Variants in IWS1 observed in about 807,000 individuals in gnomAD.
IWS1 encodes interacts with SUPT6H, CTD assembly factor 1.
Under a neutral mutation model 86.7 loss-of-function variants are expected in IWS1, and 27 were observed. That is an observed-to-expected ratio of 0.31 (90% CI 0.23 to 0.43). The LOEUF (loss-of-function observed/expected upper bound fraction) is 0.43, where lower values mean the gene tolerates loss of function less well. Among genes scored for constraint, IWS1 ranks in the 20% least tolerant of loss-of-function variants. IWS1 has a pLI of 1.00. For synonymous variants in IWS1, 313 were observed against 335.1 expected, an observed-to-expected ratio of 0.93 and a Z score of 0.72; for missense variants, 827 against 1,000.8, an observed-to-expected ratio of 0.83 and a Z score of 2.34.
chr2:127,505,018 G>A lies in IWS1; in HGVS notation c.885C>T (p.Pro295=). ...QASDSENEEL[P]KPRVSDSESE... is the part of the protein sequence containing the mutation. ...TCTCAGAGTCACTGACTCGGGGTTT[G>A]GGTAGCTCCTCATTTTCCGAATCAC... is the stretch of plus-strand genomic sequence containing the variant. The change falls in exon 3 of 14, where the codon CCC becomes CCT. Residue 295 remains proline, a synonymous_variant. Coordinates refer to ENST00000295321, the MANE Select transcript of IWS1 (RefSeq NM_017969.3). This position sits in a 1 kb window ranked among gnomAD's most constrained non-coding sequence, Gnocchi z 5.0. 6.2e-7 allele frequency: 1 copy of A among 1,612,610 alleles called. No individual in the cohort carries two copies. The highest frequency in any genetic ancestry group is 8.5e-7 in the Non-Finnish European group (1 of 1,179,594).
At chr2:127,527,054 G>C (rs1304477992), upstream of IWS1, among the ~76,000 whole-genome samples, 3 of 152,210 alleles carry the variant, frequency 2.0e-5, no homozygotes, top group Non-Finnish European at 4.4e-5. Flanking sequence ...TTCCCCTGAT[G>C]AAACACCGGA....
Position 127,503,454 on chromosome 2 carries a change from A to G in IWS1, c.1342T>C (p.Leu448=), listed in dbSNP as rs1440598956. 1.1e-5 allele frequency: 17 copies of G among 1,613,378 alleles called. No homozygotes were observed. The highest frequency in any genetic ancestry group is 1.4e-5 in the Non-Finnish European group (17 of 1,179,676). ...TTCTCTTCATTTTTCTTATCAGACA[A>G]TTCTTTCCCAGCTTCTTCCTCACTG... ...SDSEEEAGKE[L]SDKKNEEKDL... The change falls in exon 4 of 14, where the codon TTG becomes CTG. Residue 448 remains leucine, a synonymous_variant. Transcript: ENST00000295321.
chr2:127,496,098 A>G lies in IWS1; in HGVS notation c.1616T>C (p.Met539Thr). The part of the protein sequence containing the change: ...FEMMLQRKKS[M>T]SGKRRRNRDG... ...GCGGTTCCGTCTGCGCTTGCCACTC[A>G]TGCTCTTTTTTCGCTGCAACATCAT... is the stretch of plus-strand genomic sequence containing the variant. The change falls in exon 7 of 14, where the codon ATG becomes ACG. Residue 539 changes from methionine to threonine, a missense_variant. Transcript: ENST00000295321. The G allele has an allele frequency of 6.2e-7, 1 of 1,613,976 alleles. No individual in the cohort carries two copies. Among genetic ancestry groups the G allele is most frequent in the South Asian group, 1.1e-5 (1 of 91,072 alleles).
At chr2:127,484,924 G>A (rs778586017) in intron 13 of IWS1, among the ~76,000 whole-genome samples, 1 of 152,136 alleles carries the variant, frequency 6.6e-6, no homozygotes, top group Non-Finnish European at 1.5e-5. Flanking sequence ...GTGAACCCAG[G>A]AGGCGGAACT....
rs748246281 is a variant in IWS1, at chr2:127,526,413, G to C, written c.-205C>G. The C allele has an allele frequency of 1.3e-6, 2 of 1,536,260 alleles. No individual in the cohort carries two copies. Among genetic ancestry groups the C allele is most frequent in the South Asian group, 1.2e-5 (1 of 83,212 alleles). ...AGCCCCGGCGGAAAAGGCCGTACCC[G>C]GCAGGCTGGCGGGCGGGCAGGCATG... is the stretch of plus-strand genomic sequence containing the variant. On this transcript the variant is annotated 5_prime_UTR_variant, in exon 1 of 14. Transcript: ENST00000295321.
chr2:127,504,438 T>C (rs766792661), intron 3 of IWS1, among the ~76,000 whole-genome samples: 85 of 152,182 alleles, frequency 5.6e-4, no homozygotes, highest in Non-Finnish European at 1.1e-3. Context: ...TTTATATTCC[T>C]ATTGACATGT....
intron 2 of IWS1, chr2:127,506,670 T>C (rs2078028): frequency 0.12 from 20,194 of 168,214 alleles, 2,094 homozygotes; most frequent in African/African-American, 0.28. Context: ...GTACTTCTCA[T>C]GATAACAAAA....
chr2:127,516,171 G>A (rs1691761826), intron 2 of IWS1, among the ~76,000 whole-genome samples: 1 of 152,122 alleles, frequency 6.6e-6, no homozygotes, highest in African/African-American at 2.4e-5. Flanking sequence ...AGGCAGCCTA[G>A]GCAACGTGGC....
At chr2:127,527,042 G>A (rs541782442), upstream of IWS1, among the ~76,000 whole-genome samples, 2 of 152,296 alleles carry the variant, frequency 1.3e-5, no homozygotes, top group South Asian at 4.1e-4. Context: ...CTTCCAGAAG[G>A]GTTCCCCTGA....
Position 127,480,965 on chromosome 2 carries a change from T to G in IWS1, c.*79A>C, listed in dbSNP as rs2105012730. 2 of 1,478,136 alleles carry G rather than the reference T, an allele frequency of 1.4e-6. No homozygotes were observed. Among genetic ancestry groups the G allele is most frequent in the East Asian group, 4.6e-5 (2 of 43,152 alleles). 91.6% of individuals were successfully genotyped at this position (1,478,136 alleles called of 1,614,324 possible). A position where few individuals can be genotyped will look rare whatever the true frequency, so the allele number is the denominator to read the frequency against. ...GAACCATTTACAGACACACTAAAAATGTTTTAAAATATCTTCTTTCTCCAA... is the reference window on the plus strand; with the variant it reads ...GAACCATTTACAGACACACTAAAAAGGTTTTAAAATATCTTCTTTCTCCAA... On this transcript the variant is annotated 3_prime_UTR_variant, in exon 14 of 14. Coordinates refer to ENST00000295321, the MANE Select transcript of IWS1 (RefSeq NM_017969.3).
At position 127,505,864 on chromosome 2, in the gene IWS1, T is replaced by C; in HGVS notation, c.151-112A>G. The C allele has an allele frequency of 2.9e-6, 2 of 694,176 alleles. No individual in the cohort carries two copies. Among genetic ancestry groups the C allele is most frequent in the Non-Finnish European group, 4.6e-6 (2 of 435,172 alleles). 43.0% of individuals were successfully genotyped at this position (694,176 alleles called of 1,614,324 possible). A position where few individuals can be genotyped will look rare whatever the true frequency, so the allele number is the denominator to read the frequency against. ...TTTAAAATACAGGATTATGTGCACC[T>C]AAATGGAGAATTCTTGTCCTATACC... On this transcript the variant is annotated intron_variant, in intron 2 of 13. Transcript: ENST00000295321. The surrounding 1 kb of genome is among the most constrained non-coding windows in gnomAD (Gnocchi z 5.0).
chr2:127,518,159 A>G (rs1434789065), intron 2 of IWS1, among the ~76,000 whole-genome samples: 2 of 152,224 alleles, frequency 1.3e-5, no homozygotes, highest in Non-Finnish European at 2.9e-5. Context: ...TAGCTGGGCT[A>G]CTGTGAAATA....
intron 2 of IWS1, among the ~76,000 whole-genome samples, chr2:127,511,934 G>C (rs1291313323): frequency 1.3e-5 from 2 of 152,112 alleles, no homozygotes; most frequent in Non-Finnish European, 2.9e-5. Context: ...CCTCCTGGTG[G>C]AAAGATCCAA....
intron 3 of IWS1, 125 bp from the exon 4 acceptor site, chr2:127,503,701 T>TA (rs1553435795): frequency 3.4e-5 from 11 of 326,110 alleles, no homozygotes; most frequent in African/African-American, 2.2e-4. Context: ...AATAAATAAA[T>TA]AAATAAAATA....
At position 127,480,980 on chromosome 2, in the gene IWS1, T is replaced by C; in HGVS notation, c.*64A>G. On this transcript the variant is annotated 3_prime_UTR_variant, in exon 14 of 14. Transcript: ENST00000295321. ...ACACTAAAAATGTTTTAAAATATCTTCTTTCTCCAAAGAGTCCATTGCGCA... is the reference window on the plus strand; with the variant it reads ...ACACTAAAAATGTTTTAAAATATCTCCTTTCTCCAAAGAGTCCATTGCGCA... 6.5e-7 allele frequency: 1 copy of C among 1,528,244 alleles called. No homozygotes were observed. Among genetic ancestry groups the C allele is most frequent in the Non-Finnish European group, 8.8e-7 (1 of 1,136,706 alleles). 94.7% of individuals were successfully genotyped at this position (1,528,244 alleles called of 1,614,324 possible).
At chr2:127,500,319 C>T (rs986095677) in intron 5 of IWS1, among the ~76,000 whole-genome samples, 2 of 152,150 alleles carry the variant, frequency 1.3e-5, no homozygotes, top group African/African-American at 4.8e-5. Context: ...TTTCGATCTG[C>T]TTCTTCTGTC....
At chr2:127,493,444 A>G in intron 8 of IWS1, 34 bp from the exon 9 acceptor site, 1 of 1,571,186 alleles carries the variant, frequency 6.4e-7, no homozygotes, top group Non-Finnish European at 8.6e-7. Context: ...AATTCTGTGA[A>G]CCTTGGTTCT....
chr2:127,526,373 A>T lies in IWS1; in HGVS notation c.-165T>A, dbSNP rs1692417490. The T allele has an allele frequency of 6.5e-7, 1 of 1,536,488 alleles. No homozygotes were observed. The highest frequency in any genetic ancestry group is 1.4e-5 in the African/African-American group (1 of 73,170). On this transcript the variant is annotated 5_prime_UTR_variant, in exon 1 of 14. Transcript: ENST00000295321. The stretch of plus-strand genomic sequence containing the variant: ...AAGAAAGCGGTAGCGGCAAAGGCGA[A>T]TTCTTTGACCTGGAAGCCCCGGCGG...
At chr2:127,518,273 T>G (rs892245017) in intron 2 of IWS1, among the ~76,000 whole-genome samples, 2 of 152,154 alleles carry the variant, frequency 1.3e-5, no homozygotes, top group Non-Finnish European at 2.9e-5. Flanking sequence ...CCCAGCACTT[T>G]GGGAGGCCAA....
Sources: gnomAD v4.1 joint callset for allele counts (sites outside exome capture counted in the v4.1 genomes callset) on GRCh38, gnomAD v4.1.1 for gene constraint, Gnocchi (gnomAD v3.1) non-coding constraint, MANE v1.5 for transcripts, NCBI Gene and HGNC (gene_info 2026-07-23, HGNC 2026-07-21) for gene names.